PARD3: variants seen among roughly 807,000 people sequenced by gnomAD.
PARD3 encodes par-3 family cell polarity regulator.
A neutral mutation model predicts 155.4 loss-of-function variants in PARD3; 75 were observed. The observed-to-expected ratio is 0.48, with a 90% CI of 0.40 to 0.58. PARD3 has a LOEUF of 0.58. Ranked by LOEUF, PARD3 falls within the 20% of genes least tolerant of loss-of-function variation. PARD3 has a pLI of 0.00. For synonymous variants in PARD3, 576 were observed against 610.5 expected, an observed-to-expected ratio of 0.94 and a Z score of 0.83; for missense variants, 1,642 against 1,721.7, an observed-to-expected ratio of 0.95 and a Z score of 0.82.
At chr10:34,640,330 T>C (rs1281657349) in intron 2 of PARD3, among the ~76,000 whole-genome samples, 7 of 152,046 alleles carry the variant, frequency 4.6e-5, no homozygotes, top group Admixed American at 4.6e-4. Flanking sequence ...TTAAAAGGCA[T>C]TTTTGGCTGG....
At chr10:34,132,990 C>T (rs959838663) in intron 22 of PARD3, among the ~76,000 whole-genome samples, 1 of 152,110 alleles carries the variant, frequency 6.6e-6, no homozygotes, top group African/African-American at 2.4e-5. Flanking sequence ...GATGGCCAAA[C>T]TCCAGGGGAA....
chr10:34,635,630 T>A (rs1034508007), intron 2 of PARD3, among the ~76,000 whole-genome samples: 1 of 152,198 alleles, frequency 6.6e-6, no homozygotes, highest in South Asian at 2.1e-4. Flanking sequence ...TTCCTTGAGG[T>A]TGGTCAACTG....
chr10:34,277,088 G>A (rs1391164856), intron 21 of PARD3, among the ~76,000 whole-genome samples: 3 of 152,096 alleles, frequency 2.0e-5, no homozygotes, highest in Non-Finnish European at 2.9e-5. Flanking sequence ...CTGCCATCCA[G>A]AAGCCTCATT....
chr10:34,598,821 ACT>A (rs2089517193), intron 2 of PARD3, among the ~76,000 whole-genome samples: 1 of 152,166 alleles, frequency 6.6e-6, no homozygotes, highest in African/African-American at 2.4e-5. Context: ...AGATCTGAAC[ACT>A]CAGATTCGGC....
At chr10:34,439,214 C>T (rs1466288457) in intron 5 of PARD3, among the ~76,000 whole-genome samples, 1 of 152,012 alleles carries the variant, frequency 6.6e-6, no homozygotes, top group Non-Finnish European at 1.5e-5. Flanking sequence ...GGGAACCAGG[C>T]TTTCATTTTT....
chr10:34,128,783 G>C (rs1478688477), intron 23 of PARD3, among the ~76,000 whole-genome samples: 2 of 152,154 alleles, frequency 1.3e-5, no homozygotes, highest in Non-Finnish European at 2.9e-5. Flanking sequence ...TGAGTATTGG[G>C]TTTCAGGACC....
intron 22 of PARD3, among the ~76,000 whole-genome samples, chr10:34,252,574 G>A (rs61840226): frequency 0.068 from 10,315 of 152,172 alleles, 481 homozygotes; most frequent in Non-Finnish European, 0.096. Flanking sequence ...AAATGGCAGC[G>A]GCCCTTGCTG....
intron 2 of PARD3, among the ~76,000 whole-genome samples, chr10:34,683,580 GCA>G (rs970402938): frequency 6.6e-6 from 1 of 150,576 alleles, no homozygotes; most frequent in African/African-American, 2.4e-5. Flanking sequence ...GCACAGCGCG[GCA>G]CACCAAGTTA....
intron 2 of PARD3, among the ~76,000 whole-genome samples, chr10:34,688,560 A>G (rs1354113995): frequency 2.0e-5 from 3 of 152,260 alleles, no homozygotes; most frequent in Non-Finnish European, 4.4e-5. Context: ...CCAGAAACAC[A>G]GAGAAAGGAC....
At chr10:34,219,134 A>G (rs1288650465) in intron 22 of PARD3, among the ~76,000 whole-genome samples, 1 of 152,168 alleles carries the variant, frequency 6.6e-6, no homozygotes, top group African/African-American at 2.4e-5. Context: ...TTATGTCAAA[A>G]TCAAAATGAA....
intron 2 of PARD3, among the ~76,000 whole-genome samples, chr10:34,528,238 T>G (rs534011176): frequency 6.6e-6 from 1 of 152,234 alleles, no homozygotes; most frequent in African/African-American, 2.4e-5. Context: ...CTAATGGACT[T>G]AGTCAAGCAC....
chr10:34,759,311 C>T (rs1033610179), intron 1 of PARD3, among the ~76,000 whole-genome samples: 2 of 151,942 alleles, frequency 1.3e-5, no homozygotes, highest in African/African-American at 4.8e-5. Context: ...GGTCCTATCA[C>T]ATTAGAAGAA....
At chr10:34,792,438 G>A (rs937026630) in intron 1 of PARD3, among the ~76,000 whole-genome samples, 5 of 152,186 alleles carry the variant, frequency 3.3e-5, no homozygotes, top group Admixed American at 2.0e-4. Flanking sequence ...TTATCAACAC[G>A]TCACAAACTC....
intron 3 of PARD3, among the ~76,000 whole-genome samples, chr10:34,487,896 T>C (rs985420676): frequency 2.0e-5 from 3 of 152,230 alleles, no homozygotes; most frequent in South Asian, 2.1e-4. Flanking sequence ...ATTGATTGCA[T>C]TGCAGATATT....
At position 34,522,499 on chromosome 10, in the gene PARD3, A is replaced by G. The variant is rs182039889; in HGVS notation, c.223-5340T>C. On this transcript the variant is annotated intron_variant, in intron 2 of 24. Coordinates refer to ENST00000374788, the MANE Select transcript of PARD3 (RefSeq NM_001184785.2). ...TAAGGTATACAACTTCCAGAACACA[A>G]TAAGTATGTTTACTATGAGCTTTTA... 7.9e-5 allele frequency among the ~76,000 whole-genome samples: 12 copies of G among 152,324 alleles called. No homozygotes were observed. In the East Asian group the frequency reaches 1.3e-3, roughly 17 times the overall value.
At chr10:34,115,615 A>C (rs939151211) in intron 24 of PARD3, among the ~76,000 whole-genome samples, 2 of 152,162 alleles carry the variant, frequency 1.3e-5, no homozygotes, top group Non-Finnish European at 2.9e-5. Context: ...AACTTGATTA[A>C]ACTTAATTAA....
At chr10:34,389,895 A>G (rs2384221) in intron 7 of PARD3, among the ~76,000 whole-genome samples, 89,037 of 152,128 alleles carry the variant, frequency 0.59, 28,258 homozygotes, top group African/African-American at 0.85. Flanking sequence ...TAAAAATGGA[A>G]AATTCCTTTA....
intron 2 of PARD3, among the ~76,000 whole-genome samples, chr10:34,528,257 T>TA (rs2082610720): frequency 6.6e-6 from 1 of 152,202 alleles, no homozygotes; most frequent in Non-Finnish European, 1.5e-5. Flanking sequence ...ACAAAGAGTT[T>TA]AAAAATTTTA....
At position 34,517,290 on chromosome 10, in the gene PARD3, C is replaced by T. The variant is rs554807901; in HGVS notation, c.223-131G>A. 4.6e-4 allele frequency: 328 copies of T among 712,226 alleles called. 1 individual carries two copies. The highest frequency in any genetic ancestry group is 1.8e-3 in the South Asian group (63 of 34,940). The allele number at this position is 712,226 out of a possible 1,614,324, so 44.1% of individuals were successfully genotyped here. On this transcript the variant is annotated intron_variant, in intron 2 of 24. Transcript: ENST00000374788. ...AATGACCCTAGAATGGTAAGTTTTA[C>T]GAAGAAAAACCTCAAAGAAACAGTG...
Sources: gnomAD v4.1 joint callset for allele counts (sites outside exome capture counted in the v4.1 genomes callset) on GRCh38, gnomAD v4.1.1 for gene constraint, MANE v1.5 for transcripts, NCBI Gene and HGNC (gene_info 2026-07-23, HGNC 2026-07-21) for gene names.